Variants in SMURF2 observed in about 807,000 individuals in gnomAD.
The protein encoded by SMURF2 is E3 ubiquitin-protein ligase SMURF2.
SMURF2 carries 48 observed loss-of-function variants against 109.6 expected under a neutral mutation model. The observed-to-expected ratio is 0.44, with a 90% CI of 0.35 to 0.56. The LOEUF is 0.56. Ranked by LOEUF, SMURF2 falls within the 20% of genes least tolerant of loss-of-function variation. The pLI, the probability that SMURF2 is intolerant of heterozygous loss-of-function variation, is 0.01. For missense variants in SMURF2, 575 were observed against 909.0 expected (o/e 0.63, Z 4.72); for synonymous variants, 288 against 317.1 (o/e 0.91, Z 0.97).
chr17:64,637,727 C>T (rs1970436197), intron 1 of SMURF2, among the ~76,000 whole-genome samples: 1 of 151,904 alleles, frequency 6.6e-6, no homozygotes, highest in African/African-American at 2.4e-5. Flanking sequence ...CCATGCCTGG[C>T]TAATTTTTGT....
At chr17:64,560,546 G>A (rs537212746) in intron 12 of SMURF2, among the ~76,000 whole-genome samples, 149 of 152,250 alleles carry the variant, frequency 9.8e-4, no homozygotes, top group South Asian at 5.6e-3. Flanking sequence ...TAAGATTAGG[G>A]AAAGCAGAAT....
chr17:64,580,268 T>C (rs1422912619), intron 8 of SMURF2, among the ~76,000 whole-genome samples: 1 of 152,232 alleles, frequency 6.6e-6, no homozygotes, highest in South Asian at 2.1e-4. Flanking sequence ...TAGGATTTTA[T>C]ATAAGATTGT....
At position 64,591,030 on chromosome 17, in the gene SMURF2, C is replaced by T. The variant is rs868930072; in HGVS notation, c.400+54G>A. On this transcript the variant is annotated intron_variant, in intron 5 of 18. Transcript: ENST00000262435. ...ATACTTTGATTTAAAAGGTATTTTACACTTTAGGTCAGTTTGAAACCAAAA... is the reference window on the plus strand; with the variant it reads ...ATACTTTGATTTAAAAGGTATTTTATACTTTAGGTCAGTTTGAAACCAAAA... The T allele has an allele frequency of 7.5e-5, 97 of 1,298,556 alleles. 1 individual carries two copies. The South Asian group carries it at 1.2e-3, about 16-fold the overall frequency. The allele number at this position is 1,298,556 out of a possible 1,614,324, so 80.4% of individuals were successfully genotyped here.
intron 13 of SMURF2, 45 bp downstream of exon 13, chr17:64,557,563 A>G: frequency 8.2e-7 from 1 of 1,218,064 alleles, no homozygotes; most frequent in Non-Finnish European, 1.2e-6. Flanking sequence ...TGTAAACATG[A>G]AAAGCATTAT....
chr17:64,555,732 G>A (rs531660151), intron 14 of SMURF2, 88 bp downstream of exon 14: 1 of 871,796 alleles, frequency 1.1e-6, no homozygotes, highest in African/African-American at 1.7e-5. Flanking sequence ...TATTTTCTGT[G>A]TAATTTTTTT....
At chr17:64,571,986 C>T in intron 9 of SMURF2, 30 bp from the exon 10 acceptor site, 1 of 1,585,106 alleles carries the variant, frequency 6.3e-7, no homozygotes, top group Non-Finnish European at 8.6e-7. Flanking sequence ...ATAAAAAATA[C>T]CTCATTGCTC....
intron 1 of SMURF2, among the ~76,000 whole-genome samples, chr17:64,658,547 A>G (rs184934692): frequency 1.1e-3 from 160 of 152,322 alleles, no homozygotes; most frequent in Non-Finnish European, 1.8e-3. Context: ...CTTATTGCCA[A>G]GGGCTTTGAA....
chr17:64,598,351 G>A (rs782026398), intron 3 of SMURF2, 31 bp downstream of exon 3: 3 of 1,457,414 alleles, frequency 2.1e-6, no homozygotes, highest in South Asian at 1.2e-5. Context: ...TTAATGATAT[G>A]TTCCATTTCA....
intron 1 of SMURF2, among the ~76,000 whole-genome samples, chr17:64,657,189 T>TA (rs1427686246): frequency 6.6e-6 from 1 of 152,138 alleles, no homozygotes; most frequent in African/African-American, 2.4e-5. Context: ...AAGAGCTTCT[T>TA]AGAGTCATAG....
chr17:64,557,207 TATTAGCA>T, intron 13 of SMURF2, among the ~76,000 whole-genome samples: 2 of 152,324 alleles, frequency 1.3e-5, no homozygotes, highest in South Asian at 4.1e-4. Flanking sequence ...CAAATGTATT[TATTAGCA>T]ATGACAAAAC....
intron 1 of SMURF2, among the ~76,000 whole-genome samples, chr17:64,640,999 C>T (rs1483817991): frequency 2.0e-5 from 3 of 151,508 alleles, no homozygotes; most frequent in Non-Finnish European, 4.4e-5. Flanking sequence ...TATTCTTAAC[C>T]CTGAATTATA....
intron 1 of SMURF2, among the ~76,000 whole-genome samples, chr17:64,631,961 CGGGGG>C (rs782202552): frequency 0.13 from 1,315 of 9,944 alleles, 64 homozygotes; most frequent in African/African-American, 0.18. Flanking sequence ...TCTTTTTTTG[CGGGGG>C]GGGGGGGGGG....
At chr17:64,614,745 C>G (rs892714906) in intron 1 of SMURF2, among the ~76,000 whole-genome samples, 3 of 152,208 alleles carry the variant, frequency 2.0e-5, no homozygotes, top group Admixed American at 6.5e-5. Flanking sequence ...CTCTCTCATT[C>G]AACATTTCCT....
intron 1 of SMURF2, among the ~76,000 whole-genome samples, chr17:64,630,061 C>A (rs1555691455): frequency 6.6e-6 from 1 of 151,920 alleles, no homozygotes; most frequent in African/African-American, 2.4e-5. Flanking sequence ...CACAGTGAAA[C>A]CCTGTCTCTA....
At chr17:64,646,410 G>T (rs1970560537) in intron 1 of SMURF2, among the ~76,000 whole-genome samples, 1 of 141,280 alleles carries the variant, frequency 7.1e-6, no homozygotes, top group Non-Finnish European at 1.5e-5. Flanking sequence ...TTGAGACAAG[G>T]TCTGGCTCTA....
intron 1 of SMURF2, among the ~76,000 whole-genome samples, chr17:64,636,689 G>T (rs12051639): frequency 1.3e-5 from 2 of 149,106 alleles, no homozygotes; most frequent in Non-Finnish European, 3.0e-5. Flanking sequence ...TGAGGCAGAA[G>T]AATCACTTGA....
chr17:64,628,715 A>G (rs1555691354), intron 1 of SMURF2, among the ~76,000 whole-genome samples: 1 of 152,202 alleles, frequency 6.6e-6, no homozygotes, highest in African/African-American at 2.4e-5. Flanking sequence ...ACTTCCTTGA[A>G]GGATTCTCTA....
intron 1 of SMURF2, among the ~76,000 whole-genome samples, chr17:64,631,281 GGAGAGAGA>G (rs1468147317): frequency 6.8e-4 from 3 of 4,412 alleles, no homozygotes; most frequent in Admixed American, 2.1e-3. Flanking sequence ...AGGGGGGGGG[GGAGAGAGA>G]GAGAGAGAGA....
intron 1 of SMURF2, among the ~76,000 whole-genome samples, chr17:64,608,663 G>A (rs1970004475): frequency 2.0e-5 from 3 of 151,968 alleles, no homozygotes; most frequent in Non-Finnish European, 2.9e-5. Flanking sequence ...TTTCACATCC[G>A]ACTTCAGAGA....
Sources: allele counts gnomAD v4.1 joint callset (sites outside exome capture counted in the v4.1 genomes callset), GRCh38; gene constraint gnomAD v4.1.1; transcripts MANE v1.5; gene names NCBI Gene and HGNC (gene_info 2026-07-23, HGNC 2026-07-21).